Variants in THRAP3 observed in about 807,000 individuals in gnomAD.
The protein encoded by THRAP3 is thyroid hormone receptor-associated protein 3.
Under a neutral mutation model 101.0 loss-of-function variants are expected in THRAP3, and 16 were observed. The observed-to-expected ratio is 0.16, with a 90% CI of 0.11 to 0.24. The LOEUF (loss-of-function observed/expected upper bound fraction) is 0.24, where lower values mean the gene tolerates loss of function less well. THRAP3 is among the 10% of genes least tolerant of loss of function. THRAP3 has a pLI of 1.00. For missense variants in THRAP3, 989 were observed against 1,202.7 expected (o/e 0.82, Z 2.63); for synonymous variants, 407 against 422.6 (o/e 0.96, Z 0.45).
chr1:36,247,753 C>G (rs1645248145), intron 1 of THRAP3, among the ~76,000 whole-genome samples: 1 of 152,038 alleles, frequency 6.6e-6, no homozygotes, highest in South Asian at 2.1e-4. Context: ...CACTTAAAAT[C>G]TCTCTTGGCG....
chr1:36,230,472 A>G (rs1645015974), intron 1 of THRAP3, among the ~76,000 whole-genome samples: 4 of 151,678 alleles, frequency 2.6e-5, no homozygotes. Context: ...CAAGTTGGCC[A>G]GGTTGGTCTT....
chr1:36,266,332 GACAA>G (rs1385880471), intron 2 of THRAP3, among the ~76,000 whole-genome samples: 3 of 151,942 alleles, frequency 2.0e-5, no homozygotes, highest in Admixed American at 2.0e-4. Flanking sequence ...TCTCAAAAAT[GACAA>G]ACAACAACAA....
In THRAP3 at chr1:36,240,462, C is replaced by T. The variant is rs141878239; in HGVS notation, c.-135+15957C>T. 4.5e-3 allele frequency among the ~76,000 whole-genome samples: 679 copies of T among 152,310 alleles called. 6 individuals carry two copies. The highest frequency in any genetic ancestry group is 7.4e-3 in the Admixed American group (113 of 15,286). ...AGACTCAGCAAGCAATCTACTTATC[C>T]CCATTGTTTAGCTGTGCTTAAAGCT... On this transcript the variant is annotated intron_variant, in intron 1 of 11. Coordinates refer to ENST00000354618, the MANE Select transcript of THRAP3 (RefSeq NM_005119.4).
intron 1 of THRAP3, among the ~76,000 whole-genome samples, chr1:36,245,256 T>G (rs984703054): frequency 1.3e-5 from 2 of 151,410 alleles, no homozygotes; most frequent in Non-Finnish European, 2.9e-5. Flanking sequence ...AACCTCCATA[T>G]CCCAGGTTCA....
chr1:36,264,106 C>G (rs1645482804), intron 2 of THRAP3, among the ~76,000 whole-genome samples: 1 of 152,230 alleles, frequency 6.6e-6, no homozygotes, highest in Admixed American at 6.5e-5. Flanking sequence ...GTCGCCCAGG[C>G]TGGAGTGCAG....
chr1:36,213,139 A>C, the THRAP3 span, among the ~76,000 whole-genome samples: 1 of 152,136 alleles, frequency 6.6e-6, no homozygotes, highest in African/African-American at 2.4e-5. Flanking sequence ...GTGATGGTGA[A>C]GCTGGTGAGA....
chr1:36,260,952 T>C (rs1475011402), intron 2 of THRAP3, among the ~76,000 whole-genome samples: 3 of 152,234 alleles, frequency 2.0e-5, no homozygotes, highest in Non-Finnish European at 4.4e-5. Flanking sequence ...GTGTTTACTT[T>C]TCCTTTTTTG....
chr1:36,295,964 T>C (rs1350183427), intron 8 of THRAP3, among the ~76,000 whole-genome samples: 135 of 46,528 alleles, frequency 2.9e-3, no homozygotes, highest in African/African-American at 9.0e-3. Flanking sequence ...CTTTTTTTTT[T>C]TTTTTTTTTT....
At chr1:36,265,322 A>G (rs554914739) in intron 2 of THRAP3, among the ~76,000 whole-genome samples, 37 of 152,222 alleles carry the variant, frequency 2.4e-4, no homozygotes, top group Admixed American at 4.6e-4. Flanking sequence ...AGGTCTTACT[A>G]GTAATCTTTT....
chr1:36,244,030 C>G (rs1645201356), intron 1 of THRAP3, among the ~76,000 whole-genome samples: 1 of 139,848 alleles, frequency 7.2e-6, no homozygotes, highest in South Asian at 2.4e-4. Context: ...GCTGACCCCC[C>G]CACCTCCCTC....
At chr1:36,238,378 T>C (rs1645116074) in intron 1 of THRAP3, among the ~76,000 whole-genome samples, 1 of 152,256 alleles carries the variant, frequency 6.6e-6, no homozygotes, top group South Asian at 2.1e-4. Context: ...TAGGCATTTA[T>C]TGGAATGGAA....
chr1:36,220,948 T>C (rs1644899702), upstream of THRAP3, among the ~76,000 whole-genome samples: 1 of 95,634 alleles, frequency 1.0e-5, no homozygotes, highest in Non-Finnish European at 1.8e-5. Context: ...AGAGTGAGAC[T>C]GTCTCAAAAA....
At chr1:36,214,334 T>C in the THRAP3 span, among the ~76,000 whole-genome samples, 4 of 152,210 alleles carry the variant, frequency 2.6e-5, no homozygotes, top group African/African-American at 9.6e-5. Context: ...CGACTTTGAC[T>C]CCTGCCCTTT....
In THRAP3 at chr1:36,270,569, A is replaced by AG. The variant is rs199714515; in HGVS notation, c.-32+11087dup. Among the ~76,000 whole-genome samples, 462 of 95,686 alleles carry AG rather than the reference A, an allele frequency of 4.8e-3. 28 individuals carry two copies. The highest frequency in any genetic ancestry group is 0.02 in the African/African-American group (444 of 22,404). The allele number at this position is 95,686 out of a possible 152,430, so 62.8% of individuals were successfully genotyped here. A position where few individuals can be genotyped will look rare whatever the true frequency, so the allele number is the denominator to read the frequency against. ...ATTAAAAATACAGTTCTATTTGTTT[A>AG]GGTTTTTGTTTTTTTTTTTTTTTTT... is the stretch of plus-strand genomic sequence containing the variant. On this transcript the variant is annotated intron_variant, in intron 2 of 11. Transcript: ENST00000354618.
intron 1 of THRAP3, among the ~76,000 whole-genome samples, chr1:36,255,408 A>G (rs1200835732): frequency 6.6e-6 from 1 of 151,758 alleles, no homozygotes; most frequent in African/African-American, 2.4e-5. Flanking sequence ...CTGGCGGATC[A>G]TGTGAGGGCA....
At chr1:36,256,802 C>CT (rs1025995846) in intron 1 of THRAP3, among the ~76,000 whole-genome samples, 22 of 150,858 alleles carry the variant, frequency 1.5e-4, no homozygotes, top group African/African-American at 3.7e-4. Context: ...TGCAGACATT[C>CT]TTTTTTTTTG....
At chr1:36,275,312 G>A (rs1645644212) in intron 2 of THRAP3, among the ~76,000 whole-genome samples, 1 of 131,304 alleles carries the variant, frequency 7.6e-6, no homozygotes, top group Non-Finnish European at 1.6e-5. Context: ...AAAAGTCTGG[G>A]TGTGGTGGCT....
the THRAP3 span, among the ~76,000 whole-genome samples, chr1:36,213,909 GAGAAAGAAAGAAAGAAAGAA>G: frequency 3.1e-4 from 25 of 80,354 alleles, no homozygotes; most frequent in East Asian, 7.0e-4. Flanking sequence ...AAGAAGGAAA[GAGAAAGAAAGAAAGAAAGAA>G]AGAAAGAAAG....
chr1:36,294,591 TTAAAA>T (rs1645921305), intron 8 of THRAP3, among the ~76,000 whole-genome samples: 1 of 152,222 alleles, frequency 6.6e-6, no homozygotes, highest in Admixed American at 6.5e-5. Context: ...CAGTTGAAAT[TTAAAA>T]TAACAGATGG....
Sources: allele counts gnomAD v4.1 joint callset (sites outside exome capture counted in the v4.1 genomes callset), GRCh38; gene constraint gnomAD v4.1.1; transcripts MANE v1.5; gene names NCBI Gene and HGNC (gene_info 2026-07-23, HGNC 2026-07-21).